CAMK2D: variants seen among roughly 807,000 people sequenced by gnomAD.
CAMK2D encodes calcium/calmodulin dependent protein kinase II delta, also known as calcium/calmodulin-dependent protein kinase type II subunit delta.
Under a neutral mutation model 84.0 loss-of-function variants are expected in CAMK2D, and 37 were observed. The observed-to-expected ratio is 0.44, with a 90% confidence interval of 0.34 to 0.58. CAMK2D has a LOEUF of 0.58. CAMK2D is among the 20% of genes least tolerant of loss of function. CAMK2D has a pLI of 0.02. For missense variants in CAMK2D, 448 were observed against 652.5 expected, an observed-to-expected ratio of 0.69 and a Z score of 3.41; for synonymous variants, 202 against 212.5, an observed-to-expected ratio of 0.95 and a Z score of 0.43.
chr4:113,534,670 A>C lies in CAMK2D; in HGVS notation c.517+2671T>G, dbSNP rs370794083. 6.6e-5 allele frequency among the ~76,000 whole-genome samples: 10 copies of C among 152,328 alleles called. No homozygotes were observed. In the East Asian group the frequency reaches 1.5e-3, roughly 23 times the overall value. ...CTGATTCACTAAACAACTCTCACTGAATATGCAAAGAATTATGTCATTGTT... is the reference window on the plus strand; with the variant it reads ...CTGATTCACTAAACAACTCTCACTGCATATGCAAAGAATTATGTCATTGTT... On this transcript the variant is annotated intron_variant, in intron 7 of 20. Coordinates refer to ENST00000511664, the MANE Select transcript of CAMK2D (RefSeq NM_001321571.2).
At chr4:113,569,131 C>T (rs1357692769) in intron 4 of CAMK2D, among the ~76,000 whole-genome samples, 1 of 152,170 alleles carries the variant, frequency 6.6e-6, no homozygotes, top group Non-Finnish European at 1.5e-5. Flanking sequence ...GATTCTCCCA[C>T]CTCTGCCTCC....
intron 2 of CAMK2D, among the ~76,000 whole-genome samples, chr4:113,691,349 A>G (rs571065647): frequency 6.6e-6 from 1 of 152,348 alleles, no homozygotes; most frequent in South Asian, 2.1e-4. Context: ...GAATTGGACA[A>G]CTAGCTGGAA....
In CAMK2D at chr4:113,565,647, T is replaced by C. The variant is rs140991614; in HGVS notation, c.276-13551A>G. ...GCCTGGGAGACACAGTGAGACTCTG[T>C]CTCAAAAAAAAAAAAAAAAGAAGTC... On this transcript the variant is annotated intron_variant, in intron 4 of 20. Transcript: ENST00000511664. 6.5e-3 allele frequency among the ~76,000 whole-genome samples: 920 copies of C among 140,710 alleles called. 11 individuals are homozygous for C. Among genetic ancestry groups the C allele is most frequent in the African/African-American group, 0.024 (874 of 37,044 alleles). The allele number at this position is 140,710 out of a possible 152,430, so 92.3% of individuals were successfully genotyped here.
intron 16 of CAMK2D, among the ~76,000 whole-genome samples, chr4:113,495,929 G>A (rs1008712763): frequency 4.6e-5 from 7 of 152,130 alleles, no homozygotes; most frequent in Non-Finnish European, 1.0e-4. Flanking sequence ...ACTTCAACAG[G>A]TGCTGCACAA....
At chr4:113,737,771 T>C (rs1474563604) in intron 2 of CAMK2D, among the ~76,000 whole-genome samples, 2 of 152,144 alleles carry the variant, frequency 1.3e-5, no homozygotes, top group Admixed American at 6.5e-5. Context: ...TATCATCTGG[T>C]TGTGAATCTT....
At chr4:113,645,882 G>T (rs772093736) in intron 3 of CAMK2D, among the ~76,000 whole-genome samples, 1 of 152,188 alleles carries the variant, frequency 6.6e-6, no homozygotes, top group Non-Finnish European at 1.5e-5. Context: ...ATGCTGCAGG[G>T]TGTATGAGAA....
chr4:113,693,381 G>A (rs2099393991), intron 2 of CAMK2D, among the ~76,000 whole-genome samples: 1 of 152,062 alleles, frequency 6.6e-6, no homozygotes, highest in Admixed American at 6.6e-5. Context: ...GACTTTATTA[G>A]TGTAAAGCAT....
At chr4:113,460,798 G>A (rs578011682) in intron 17 of CAMK2D, among the ~76,000 whole-genome samples, 6 of 151,932 alleles carry the variant, frequency 3.9e-5, no homozygotes, top group African/African-American at 9.7e-5. Flanking sequence ...CAATCCTCCC[G>A]GCTTAGCCTC....
At chr4:113,745,679 T>G (rs1420366055) in intron 2 of CAMK2D, among the ~76,000 whole-genome samples, 1 of 152,206 alleles carries the variant, frequency 6.6e-6, no homozygotes, top group Non-Finnish European at 1.5e-5. Context: ...CCAAAGGTAT[T>G]TGCAGAAAAT....
intron 8 of CAMK2D, among the ~76,000 whole-genome samples, chr4:113,525,781 T>G (rs2154178077): frequency 6.6e-6 from 1 of 152,326 alleles, no homozygotes; most frequent in East Asian, 1.9e-4. Flanking sequence ...TGTTTTGCAT[T>G]TCTTTTGTTT....
intron 2 of CAMK2D, among the ~76,000 whole-genome samples, chr4:113,757,663 A>G (rs976845396): frequency 6.6e-6 from 1 of 152,144 alleles, no homozygotes; most frequent in African/African-American, 2.4e-5. Flanking sequence ...TTACATCCAG[A>G]AGCGGTAAAA....
At chr4:113,525,178 G>A (rs1034915859) in intron 8 of CAMK2D, among the ~76,000 whole-genome samples, 2 of 152,136 alleles carry the variant, frequency 1.3e-5, no homozygotes, top group Non-Finnish European at 2.9e-5. Context: ...AGGTTTGTCC[G>A]AAGTCAAGGT....
chr4:113,690,699 T>C (rs2099384675), intron 2 of CAMK2D, among the ~76,000 whole-genome samples: 2 of 152,234 alleles, frequency 1.3e-5, no homozygotes, highest in Admixed American at 6.5e-5. Flanking sequence ...TTCTTACTAA[T>C]GTTGAACAAT....
chr4:113,716,179 G>T (rs1245764929), intron 2 of CAMK2D, among the ~76,000 whole-genome samples: 1 of 152,110 alleles, frequency 6.6e-6, no homozygotes, highest in East Asian at 1.9e-4. Context: ...TTTAGTCTAC[G>T]ATTTCTATCA....
At chr4:113,467,459 G>A (rs6816044) in intron 16 of CAMK2D, among the ~76,000 whole-genome samples, 5,702 of 152,112 alleles carry the variant, frequency 0.037, 293 homozygotes, top group African/African-American at 0.12. Context: ...ACAAATACAA[G>A]TAATAAACTA....
chr4:113,596,502 TTAA>T (rs1277247715), intron 4 of CAMK2D, among the ~76,000 whole-genome samples: 1 of 152,200 alleles, frequency 6.6e-6, no homozygotes, highest in African/African-American at 2.4e-5. Flanking sequence ...ACAAAATGTG[TTAA>T]TAATAATACT....
At chr4:113,656,362 C>T (rs1592582119) in intron 3 of CAMK2D, among the ~76,000 whole-genome samples, 1 of 152,046 alleles carries the variant, frequency 6.6e-6, no homozygotes, top group African/African-American at 2.4e-5. Context: ...AAAGAGAGAA[C>T]CAACCTGGAG....
chr4:113,643,332 T>C (rs1249020078), intron 3 of CAMK2D, among the ~76,000 whole-genome samples: 2 of 152,038 alleles, frequency 1.3e-5, no homozygotes, highest in Non-Finnish European at 2.9e-5. Context: ...GTTGGGAGGA[T>C]AAAAGGGCAA....
At chr4:113,755,349 A>C (rs2099626247) in intron 2 of CAMK2D, among the ~76,000 whole-genome samples, 1 of 151,940 alleles carries the variant, frequency 6.6e-6, no homozygotes, top group South Asian at 2.1e-4. Flanking sequence ...AAAATGACTT[A>C]ACTGATTAAG....
Sources: gnomAD v4.1 joint callset for allele counts (sites outside exome capture counted in the v4.1 genomes callset) on GRCh38, gnomAD v4.1.1 for gene constraint, MANE v1.5 for transcripts, NCBI Gene and HGNC (gene_info 2026-07-23, HGNC 2026-07-21) for gene names.